GTF2B: variants seen among roughly 807,000 people sequenced by gnomAD.
GTF2B encodes the protein general transcription factor IIB.
GTF2B carries 20 observed loss-of-function variants against 34.6 expected under a neutral mutation model. The ratio of observed to expected loss-of-function variants is 0.58; its 90% CI spans 0.41 to 0.84. The LOEUF is 0.84. Among genes scored for constraint, GTF2B ranks in the 40% least tolerant of loss-of-function variants. The probability of loss-of-function intolerance (pLI) is 0.00; values close to 1 mark genes in which losing one functional copy is unlikely to be tolerated. For synonymous variants in GTF2B, 142 were observed against 132.4 expected, an observed-to-expected ratio of 1.07 and a Z score of -0.50; for missense variants, 237 against 393.3, an observed-to-expected ratio of 0.60 and a Z score of 3.36.
At chr1:88,877,977 T>G (rs572735049) in intron 2 of GTF2B, among the ~76,000 whole-genome samples, 5 of 151,870 alleles carry the variant, frequency 3.3e-5, no homozygotes, top group African/African-American at 1.2e-4. Flanking sequence ...AGTTTCACAG[T>G]AGGAACAACA....
intron 5 of GTF2B, among the ~76,000 whole-genome samples, chr1:88,859,004 A>C (rs1673379384): frequency 6.6e-6 from 1 of 151,484 alleles, no homozygotes; most frequent in Non-Finnish European, 1.5e-5. Context: ...AGTAGCTGGG[A>C]CTACAGGCGC....
intron 1 of GTF2B, 129 bp downstream of exon 1, chr1:88,891,353 CG>C (rs1209980851): frequency 7.8e-6 from 5 of 644,576 alleles, no homozygotes; most frequent in African/African-American, 1.8e-5. Flanking sequence ...CCCGGCCCGT[CG>C]GCCAGTCCCG....
At chr1:88,887,882 TTGA>T (rs1674113324) in intron 1 of GTF2B, 1 of 152,490 alleles carries the variant, frequency 6.6e-6, no homozygotes, top group Non-Finnish European at 1.5e-5. Flanking sequence ...AACTTAAGAC[TTGA>T]TGATTTCCTT....
intron 1 of GTF2B, among the ~76,000 whole-genome samples, chr1:88,888,494 CAAAT>C (rs1189381210): frequency 4.6e-5 from 7 of 151,652 alleles, no homozygotes; most frequent in Admixed American, 1.3e-4. Context: ...TAAATTATGA[CAAAT>C]AAAATTAAAC....
rs149282208 is a variant in GTF2B, at chr1:88,885,761, C to T, written c.124+1500G>A. Among the ~76,000 whole-genome samples the T allele has an allele frequency of 4.9e-4, 74 of 152,080 alleles. No individual in the cohort carries two copies. The East Asian group carries it at 0.011, about 22-fold the overall frequency. On this transcript the variant is annotated intron_variant, in intron 2 of 6. Transcript: ENST00000370500. ...GCAAAACTCCGTCTCAAAAAACAAA[C>T]GAAGAAAAACTTTATAGATACTGAA... is the stretch of plus-strand genomic sequence containing the variant.
chr1:88,859,950 T>A lies in GTF2B; in HGVS notation c.467A>T (p.Asn156Ile). Residue 156 changes from asparagine (N) to isoleucine (I), a missense_variant, in exon 5 of 7, where the codon AAT becomes ATT. Physicochemically the swap from Asn to Ile is moderately radical, Grantham distance 149. Transcript: ENST00000370500. ...GAGACAAGCAGAAGCTATAGCATCATTAGCTCTTCCCTTCAGGCTCTTCTG... is the reference window on the plus strand; with the variant it reads ...GAGACAAGCAGAAGCTATAGCATCAATAGCTCTTCCCTTCAGGCTCTTCTG... ...YEQKSLKGRANDAIASACLYI... is the reference protein window; with the variant it reads ...YEQKSLKGRAIDAIASACLYI... The A allele has an allele frequency of 6.2e-7, 1 of 1,612,446 alleles. No individual in the cohort carries two copies. The highest frequency in any genetic ancestry group is 2.2e-5 in the East Asian group (1 of 44,872).
Position 88,853,072 on chromosome 1 carries a change from T to G in GTF2B, c.*141A>C. 1.3e-6 allele frequency: 1 copy of G among 746,200 alleles called. No homozygotes were observed. Among genetic ancestry groups the G allele is most frequent in the Non-Finnish European group, 2.4e-6 (1 of 417,496 alleles). The allele number at this position is 746,200 out of a possible 1,614,324, so 46.2% of individuals were successfully genotyped here. A position where few individuals can be genotyped will look rare whatever the true frequency, so the allele number is the denominator to read the frequency against. ...GTTTCACTAGTATATACATACAGAATGCCAAGCAATAGTATTCAGCCCTGG... is the reference window on the plus strand; with the variant it reads ...GTTTCACTAGTATATACATACAGAAGGCCAAGCAATAGTATTCAGCCCTGG... On this transcript the variant is annotated 3_prime_UTR_variant, in exon 7 of 7. Transcript: ENST00000370500.
intron 2 of GTF2B, among the ~76,000 whole-genome samples, chr1:88,877,209 T>C (rs888252986): frequency 6.6e-6 from 1 of 152,180 alleles, no homozygotes; most frequent in Middle Eastern, 3.2e-3. Flanking sequence ...GTATAAACAA[T>C]ATGCAGAATG....
chr1:88,868,727 G>A (rs1349661639), intron 2 of GTF2B, among the ~76,000 whole-genome samples: 1 of 131,966 alleles, frequency 7.6e-6, no homozygotes, highest in Non-Finnish European at 1.6e-5. Context: ...TTGGCCTGCT[G>A]TATCTGTGTA....
At position 88,852,976 on chromosome 1, in the gene GTF2B, A is replaced by T; in HGVS notation, c.*237T>A. The T allele has an allele frequency of 2.3e-6, 1 of 434,546 alleles. No individual in the cohort carries two copies. Among genetic ancestry groups the T allele is most frequent in the Non-Finnish European group, 4.1e-6 (1 of 244,480 alleles). The allele number at this position is 434,546 out of a possible 1,614,324, so 26.9% of individuals were successfully genotyped here. On this transcript the variant is annotated 3_prime_UTR_variant, in exon 7 of 7. Coordinates refer to ENST00000370500, the MANE Select transcript of GTF2B (RefSeq NM_001514.6). ...TTATTCAAGAATTACATAATTTCAA[A>T]TATCTTCCAAAATACAGTTTCCTAG...
At position 88,869,428 on chromosome 1, in the gene GTF2B, T is replaced by C. The variant is rs906640308; in HGVS notation, c.125-5314A>G. Among the ~76,000 whole-genome samples the C allele has an allele frequency of 9.2e-5, 14 of 152,330 alleles. 1 individual carries two copies. The highest frequency in any genetic ancestry group is 3.9e-4 in the East Asian group (2 of 5,180). ...TTCTTCAGTAAATAAACTACTGATA[T>C]ATGCAACAACAAATATATCTCAAAA... On this transcript the variant is annotated intron_variant, in intron 2 of 6. Coordinates refer to ENST00000370500, the MANE Select transcript of GTF2B (RefSeq NM_001514.6).
At chr1:88,866,477 T>C (rs1673562096) in intron 2 of GTF2B, among the ~76,000 whole-genome samples, 1 of 152,226 alleles carries the variant, frequency 6.6e-6, no homozygotes, top group Non-Finnish European at 1.5e-5. Flanking sequence ...GGTGCAATTT[T>C]GGCTCACTGC....
intron 2 of GTF2B, among the ~76,000 whole-genome samples, chr1:88,882,323 A>AAAAAAC (rs1553163745): frequency 4.0e-5 from 6 of 150,534 alleles, no homozygotes; most frequent in African/African-American, 1.5e-4. Context: ...AAAAAAAAAA[A>AAAAAAC]AAAAAAAAAA....
chr1:88,879,509 G>A (rs1673886378), intron 2 of GTF2B, among the ~76,000 whole-genome samples: 1 of 151,724 alleles, frequency 6.6e-6, no homozygotes, highest in South Asian at 2.1e-4. Context: ...GCTTGTACCT[G>A]GGAGGTGGAG....
At chr1:88,889,675 G>A (rs1006593830) in intron 1 of GTF2B, among the ~76,000 whole-genome samples, 14 of 152,138 alleles carry the variant, frequency 9.2e-5, no homozygotes, top group African/African-American at 3.4e-4. Flanking sequence ...CCAGTTTCAT[G>A]GCCTAGTGAC....
chr1:88,868,894 CCTGA>C (rs575037463), intron 2 of GTF2B, among the ~76,000 whole-genome samples: 104 of 152,220 alleles, frequency 6.8e-4, no homozygotes, highest in African/African-American at 2.3e-3. Flanking sequence ...CACCACAATG[CCTGA>C]CTAATTTTTT....
chr1:88,866,922 A>T (rs1223714823), intron 2 of GTF2B, among the ~76,000 whole-genome samples: 1 of 152,224 alleles, frequency 6.6e-6, no homozygotes, highest in Non-Finnish European at 1.5e-5. Context: ...GCCCGAAACA[A>T]GGAGAAAAGC....
chr1:88,862,660 C>A (rs1037869485), intron 3 of GTF2B, among the ~76,000 whole-genome samples: 3 of 152,044 alleles, frequency 2.0e-5, no homozygotes, highest in African/African-American at 7.2e-5. Flanking sequence ...CCTGCCTGGA[C>A]AAGAGTGTCA....
intron 6 of GTF2B, 114 bp from the exon 7 acceptor site, chr1:88,853,460 C>A: frequency 1.1e-6 from 1 of 927,822 alleles, no homozygotes; most frequent in Non-Finnish European, 1.7e-6. Context: ...AAAAACAAAA[C>A]CAGAAGTGAT....
Sources: gnomAD v4.1 joint callset for allele counts (sites outside exome capture counted in the v4.1 genomes callset) on GRCh38, gnomAD v4.1.1 for gene constraint, MANE v1.5 for transcripts, NCBI Gene and HGNC (gene_info 2026-07-23, HGNC 2026-07-21) for gene names.